Variants in RGL3 observed in about 807,000 individuals in gnomAD.
The protein encoded by RGL3 is ral guanine nucleotide dissociation stimulator like 3.
A neutral mutation model predicts 90.6 loss-of-function variants in RGL3; 85 were observed. That is an observed-to-expected ratio of 0.94 (90% confidence interval 0.79 to 1.12). The LOEUF is 1.12. RGL3 is among the 50% of genes most tolerant of loss of function. The pLI is 0.00. For missense variants in RGL3, 1,034 were observed against 939.2 expected (o/e 1.10, Z -1.32); for synonymous variants, 408 against 385.5 (o/e 1.06, Z -0.68).
In RGL3 at chr19:11,397,312, T is replaced by C. The variant is rs144376409; in HGVS notation, c.1946A>G (p.Gln649Arg). The change falls in exon 18 of 19, where the codon CAG (glutamine) becomes CGG (arginine). Residue 649 changes from glutamine (Q) to arginine (R), a missense_variant. Gln to Arg is a conservative substitution (Grantham distance 43). Coordinates refer to ENST00000380456, the MANE Select transcript of RGL3 (RefSeq NM_001035223.4). ...KAPSVVRRALQKHNVPQPWAC... is the reference protein window; with the variant it reads ...KAPSVVRRALRKHNVPQPWAC... Reference sequence around the variant, plus strand: ...CCAGGGCTGGGGCACATTGTGCTTCTGCAAGGCTCGCCGGACCACGCTGGG... The same window carrying C: ...CCAGGGCTGGGGCACATTGTGCTTCCGCAAGGCTCGCCGGACCACGCTGGG... 9.9e-6 allele frequency: 16 copies of C among 1,611,674 alleles called. No individual in the cohort carries two copies. The highest frequency in any genetic ancestry group is 1.4e-5 in the Non-Finnish European group (16 of 1,179,038).
Position 11,406,780 on chromosome 19 carries a change from G to A in RGL3, c.722C>T (p.Pro241Leu), listed in dbSNP as rs1306770015. The change falls in exon 6 of 19, where the codon CCC (proline) becomes CTC (leucine). Residue 241 changes from proline (P) to leucine (L), a missense_variant. By Grantham distance (98) the Pro-to-Leu change is moderately conservative. Transcript: ENST00000380456. ...EEEEGLMPQGPQLLDFSVDEV... is the reference protein window; with the variant it reads ...EEEEGLMPQGLQLLDFSVDEV... ...GTCCACGCTGAAGTCCAGGAGCTGG[G>A]GACCTTGAGGCATGAGCCCTTCCTC... 1 of 1,614,072 alleles carries A rather than the reference G, an allele frequency of 6.2e-7. No individual in the cohort carries two copies.
chr19:11,405,649 A>G (rs924026468), intron 7 of RGL3, among the ~76,000 whole-genome samples: 1 of 148,654 alleles, frequency 6.7e-6, no homozygotes, highest in African/African-American at 2.5e-5. Flanking sequence ...CTCCTGCCTC[A>G]GTAGCTGGGA....
intron 5 of RGL3, among the ~76,000 whole-genome samples, chr19:11,414,879 G>A (rs1968966606): frequency 6.6e-6 from 1 of 151,990 alleles, no homozygotes; most frequent in Non-Finnish European, 1.5e-5. Flanking sequence ...GCTTATGGCT[G>A]TAATCCCAGC....
At chr19:11,412,938 C>G (rs1019565341) in intron 5 of RGL3, among the ~76,000 whole-genome samples, 4 of 151,858 alleles carry the variant, frequency 2.6e-5, no homozygotes, top group African/African-American at 9.7e-5. Flanking sequence ...TGCACTCCAG[C>G]CTAGGCGACA....
rs750341324 is a variant in RGL3, at chr19:11,397,354, G to A, written c.1904C>T (p.Thr635Ile). 3 of 1,601,072 alleles carry A rather than the reference G, an allele frequency of 1.9e-6. No homozygotes were observed. Among genetic ancestry groups the A allele is most frequent in the Non-Finnish European group, 2.6e-6 (3 of 1,173,018 alleles). The change falls in exon 18 of 19, where the codon ACC (threonine) becomes ATC (isoleucine). Residue 635 changes from threonine (T) to isoleucine (I), a missense_variant. Coordinates refer to ENST00000380456, the MANE Select transcript of RGL3 (RefSeq NM_001035223.4). ...CACGCTGGGGGCTTTGTCCTGACTG[G>A]TCAGCTGGAAGAGAGGGGCGGGAGG... ...HGNLYRSILLTSQDKAPSVVR... is the reference protein window; with the variant it reads ...HGNLYRSILLISQDKAPSVVR...
At position 11,394,388 on chromosome 19, in the gene RGL3, A is replaced by G; in HGVS notation, c.*14T>C. On this transcript the variant is annotated 3_prime_UTR_variant, in exon 19 of 19. Coordinates refer to ENST00000380456, the MANE Select transcript of RGL3 (RefSeq NM_001035223.4). ...CCTGTGGGACTTGTGTCTTGTGGAG[A>G]GGACAGGGCTGCCTCAGCTTGGGGA... The G allele has an allele frequency of 6.3e-7, 1 of 1,593,862 alleles. No individual in the cohort carries two copies. The highest frequency in any genetic ancestry group is 8.6e-7 in the Non-Finnish European group (1 of 1,161,782).
chr19:11,410,457 G>C (rs557891901), intron 5 of RGL3, among the ~76,000 whole-genome samples: 60 of 152,156 alleles, frequency 3.9e-4, no homozygotes, highest in African/African-American at 1.4e-3. Context: ...TGAGGTAGGA[G>C]GATTGCTTGA....
At chr19:11,410,126 T>A (rs116376144) in intron 5 of RGL3, among the ~76,000 whole-genome samples, 19,143 of 148,890 alleles carry the variant, frequency 0.13, 1,329 homozygotes, top group East Asian at 0.25. Context: ...ATATATATAT[T>A]TTTTTATTAT....
In RGL3 at chr19:11,417,029, G is replaced by A; in HGVS notation, c.178C>T (p.His60Tyr). 6.2e-7 allele frequency: 1 copy of A among 1,610,782 alleles called. No individual in the cohort carries two copies. Among genetic ancestry groups the A allele is most frequent in the Non-Finnish European group, 8.5e-7 (1 of 1,178,170 alleles). ...ACCCTCACCTTGCTGGTTCGATAGT[G>A]GAGGAAGGTATTGGCAATGGGGCTG... ...APSPIANTFL[H>Y]YRTSKVRVLR... The change falls in exon 3 of 19, where the codon CAC (histidine) becomes TAC (tyrosine). Residue 60 changes from histidine (H) to tyrosine (Y), a missense_variant. Physicochemically the swap from His to Tyr is moderately conservative, Grantham distance 83. Transcript: ENST00000380456.
In RGL3 at chr19:11,416,336, G is replaced by A. The variant is rs533142334; in HGVS notation, c.426-188C>T. On this transcript the variant is annotated intron_variant, in intron 4 of 18. Transcript: ENST00000380456. ...CGAGTAGCTGGGACTACAGGCATGC[G>A]CCACCACACCCAGCTACCTTTTTTT... 3.3e-4 allele frequency: 205 copies of A among 616,886 alleles called. 1 individual carries two copies. The highest frequency in any genetic ancestry group is 2.9e-3 in the African/African-American group (158 of 53,956). The allele number at this position is 616,886 out of a possible 1,614,324, so 38.2% of individuals were successfully genotyped here.
At chr19:11,399,779 GCATGCACACACA>G (rs1968638893) in intron 16 of RGL3, 64 bp downstream of exon 16, 1 of 816,344 alleles carries the variant, frequency 1.2e-6, no homozygotes, top group East Asian at 2.8e-5. Flanking sequence ...GTACACATGT[GCATGCACACACA>G]CGTGCACACA....
intron 13 of RGL3, among the ~76,000 whole-genome samples, chr19:11,401,669 G>C (rs1048352077): frequency 2.6e-5 from 4 of 151,860 alleles, no homozygotes; most frequent in Non-Finnish European, 5.9e-5. Context: ...CCAAAGTGCT[G>C]GGATTACAGG....
chr19:11,402,790 A>C, intron 9 of RGL3, 84 bp from the exon 10 acceptor site: 1 of 1,169,798 alleles, frequency 8.5e-7, no homozygotes, highest in Non-Finnish European at 1.3e-6. Context: ...CATCATATAT[A>C]CCCTTCATGC....
chr19:11,409,951 T>A (rs1164331892), intron 5 of RGL3, among the ~76,000 whole-genome samples: 1 of 151,068 alleles, frequency 6.6e-6, no homozygotes, highest in African/African-American at 2.4e-5. Context: ...TTTATTTTTT[T>A]ATTTTGTGAT....
intron 16 of RGL3, among the ~76,000 whole-genome samples, chr19:11,398,970 C>G (rs1047933912): frequency 1.3e-5 from 2 of 151,942 alleles, no homozygotes; most frequent in African/African-American, 4.8e-5. Context: ...TGCCCAGTCT[C>G]TTTTTCTTCA....
At chr19:11,405,787 C>T (rs983442987) in intron 7 of RGL3, among the ~76,000 whole-genome samples, 3 of 151,476 alleles carry the variant, frequency 2.0e-5, no homozygotes, top group Non-Finnish European at 4.4e-5. Flanking sequence ...CCTCCGCCTC[C>T]CGGGTTCAAG....
At chr19:11,398,974 T>A (rs1016472693) in intron 16 of RGL3, among the ~76,000 whole-genome samples, 2 of 152,108 alleles carry the variant, frequency 1.3e-5, no homozygotes, top group Admixed American at 1.3e-4. Context: ...CAGTCTCTTT[T>A]TCTTCATAAA....
chr19:11,406,585 G>T lies in RGL3; in HGVS notation c.830C>A (p.Ser277Ter), dbSNP rs1439502542. 1.3e-6 allele frequency: 2 copies of T among 1,552,230 alleles called. No individual in the cohort carries two copies. The highest frequency in any genetic ancestry group is 1.7e-6 in the Non-Finnish European group (2 of 1,148,140). ...TGCAGCCCCCGGCCGGTCCCTCTGC[G>T]ACCACACGGAGCCCAAGCACTCGTA... ...RLYECLGSVWSQRDRPGAAGA... is the reference protein window; with the variant it reads ...RLYECLGSVW Residue 277 changes from serine (S) to a stop codon, truncating the protein, a stop_gained, in exon 7 of 19, where the codon TCG becomes TAG. Coordinates refer to ENST00000380456, the MANE Select transcript of RGL3 (RefSeq NM_001035223.4). LOFTEE classifies it high-confidence loss of function.
intron 5 of RGL3, among the ~76,000 whole-genome samples, chr19:11,413,790 CT>C (rs1968912609): frequency 6.8e-6 from 1 of 147,830 alleles, no homozygotes; most frequent in Non-Finnish European, 1.5e-5. Flanking sequence ...GTCACCCAGG[CT>C]GGAGTTCAGT....
Sources: allele counts gnomAD v4.1 joint callset (sites outside exome capture counted in the v4.1 genomes callset), GRCh38; gene constraint gnomAD v4.1.1; transcripts MANE v1.5; gene names NCBI Gene and HGNC (gene_info 2026-07-23, HGNC 2026-07-21).